Variants in SYCP2L observed in about 807,000 individuals in gnomAD.
SYCP2L encodes synaptonemal complex protein 2-like.
A neutral mutation model predicts 125.8 loss-of-function variants in SYCP2L; 98 were observed. The ratio of observed to expected loss-of-function variants is 0.78; its 90% confidence interval spans 0.66 to 0.92. The LOEUF (loss-of-function observed/expected upper bound fraction) is 0.92. Ranked by LOEUF, SYCP2L falls within the 40% of genes least tolerant of loss-of-function variation. The pLI is 0.00. For missense variants in SYCP2L, 842 were observed against 936.4 expected (o/e 0.90, Z 1.32); for synonymous variants, 317 against 325.4 (o/e 0.97, Z 0.28).
chr6:10,969,686 T>C (rs1160384372), intron 29 of SYCP2L, among the ~76,000 whole-genome samples: 3 of 151,946 alleles, frequency 2.0e-5, no homozygotes, highest in Non-Finnish European at 2.9e-5. Flanking sequence ...AAAGATGAAA[T>C]TGGACATGTG....
In SYCP2L at chr6:10,889,910, G is replaced by A. The variant is rs551345185; in HGVS notation, c.10-1603G>A. 3.3e-5 allele frequency among the ~76,000 whole-genome samples: 5 copies of A among 152,228 alleles called. No homozygotes were observed. In the East Asian group the frequency reaches 7.7e-4, roughly 23 times the overall value. On this transcript the variant is annotated intron_variant, in intron 1 of 29. Transcript: ENST00000283141. Reference sequence around the variant, plus strand: ...GCTGGGATTACAGGCATGAGCCACCGCACCCGGCCGAGATCAGCTTTTTTA... The same window carrying A: ...GCTGGGATTACAGGCATGAGCCACCACACCCGGCCGAGATCAGCTTTTTTA...
chr6:10,921,345 G>A (rs932830746), intron 14 of SYCP2L, among the ~76,000 whole-genome samples: 1 of 152,146 alleles, frequency 6.6e-6, no homozygotes, highest in Non-Finnish European at 1.5e-5. Flanking sequence ...GAACATAGGT[G>A]TGCATGTATT....
Position 10,935,244 on chromosome 6 carries a change from T to C in SYCP2L, c.1813+57T>C, listed in dbSNP as rs1469098893. The C allele has an allele frequency of 1.1e-5, 17 of 1,561,846 alleles. No individual in the cohort carries two copies. The South Asian group carries it at 1.8e-4, about 16-fold the overall frequency. ...AAAATTTGTATTTGGGAAAGGTAGT[T>C]TGAAGTAAACAAAACATTTTTATTT... On this transcript the variant is annotated intron_variant, in intron 21 of 29. Transcript: ENST00000283141.
chr6:10,967,091 A>G (rs2113428874), intron 29 of SYCP2L, among the ~76,000 whole-genome samples: 1 of 152,236 alleles, frequency 6.6e-6, no homozygotes, highest in African/African-American at 2.4e-5. Flanking sequence ...AACTTAGATG[A>G]AATGAACAAT....
chr6:10,956,278 A>G (rs768766395), intron 25 of SYCP2L, 36 bp downstream of exon 25: 2 of 1,452,524 alleles, frequency 1.4e-6, no homozygotes, highest in Non-Finnish European at 1.9e-6. Flanking sequence ...CTAGAGCGTT[A>G]TGAATCTGGA....
chr6:10,894,251 A>G (rs928236156), intron 4 of SYCP2L, 47 bp downstream of exon 4: 17 of 1,591,100 alleles, frequency 1.1e-5, no homozygotes, highest in Non-Finnish European at 1.4e-5. Flanking sequence ...AACTTAGAGA[A>G]CTTAGGTGGA....
chr6:10,897,963 T>C (rs1780287133), intron 4 of SYCP2L, 48 bp from the exon 5 acceptor site: 3 of 1,172,136 alleles, frequency 2.6e-6, no homozygotes, highest in South Asian at 1.2e-5. Flanking sequence ...TTTTATTGAA[T>C]AGGCAGCATT....
At chr6:10,968,770 T>C (rs1344105266) in intron 29 of SYCP2L, among the ~76,000 whole-genome samples, 1 of 152,152 alleles carries the variant, frequency 6.6e-6, no homozygotes. Context: ...TGGGGGATGA[T>C]GACTGTCTTT....
At chr6:10,969,128 A>G (rs980642419) in intron 29 of SYCP2L, among the ~76,000 whole-genome samples, 17 of 152,170 alleles carry the variant, frequency 1.1e-4, no homozygotes, top group Admixed American at 9.8e-4. Context: ...ATTTTCTTCA[A>G]TTTAGAGGTC....
At chr6:10,973,660 T>C (rs928475327) in intron 29 of SYCP2L, among the ~76,000 whole-genome samples, 1 of 152,208 alleles carries the variant, frequency 6.6e-6, no homozygotes, top group Non-Finnish European at 1.5e-5. Context: ...AGCTGTCTTA[T>C]CTCCAACATC....
chr6:10,963,994 G>A (rs1442549371), intron 29 of SYCP2L, among the ~76,000 whole-genome samples, 151 bp downstream of exon 29: 2 of 144,228 alleles, frequency 1.4e-5, no homozygotes, highest in Non-Finnish European at 3.0e-5. Context: ...GTCTCACTCT[G>A]TCACCCAGGC....
intron 29 of SYCP2L, among the ~76,000 whole-genome samples, chr6:10,970,003 A>T (rs1333917187): frequency 1.3e-5 from 2 of 152,194 alleles, no homozygotes; most frequent in African/African-American, 4.8e-5. Context: ...AATGATACCC[A>T]CAGGATCCCT....
rs1018180366 is a variant in SYCP2L at position 10,930,109 on chromosome 6, A to G, written c.1489-261A>G. ...TATTGAGATTGGTCTGCTTTTGAAC[A>G]GTCATCCACCATCTCTTCTGTTGCA... On this transcript the variant is annotated intron_variant, in intron 18 of 29. Coordinates refer to ENST00000283141, the MANE Select transcript of SYCP2L (RefSeq NM_001040274.3). The G allele has an allele frequency of 3.8e-4, 102 of 265,100 alleles. 1 individual carries two copies. Among genetic ancestry groups the G allele is most frequent in the Non-Finnish European group, 7.0e-5 (10 of 141,984 alleles). 16.4% of individuals were successfully genotyped at this position (265,100 alleles called of 1,614,324 possible).
intron 15 of SYCP2L, among the ~76,000 whole-genome samples, chr6:10,926,110 GA>G (rs2113348190): frequency 6.6e-6 from 1 of 152,304 alleles, no homozygotes; most frequent in Admixed American, 6.5e-5. Flanking sequence ...AAGATACCAG[GA>G]AAGAGTGCTT....
chr6:10,909,765 T>C (rs367951389), intron 10 of SYCP2L, among the ~76,000 whole-genome samples: 26 of 152,366 alleles, frequency 1.7e-4, no homozygotes, highest in African/African-American at 6.0e-4. Context: ...TGGTTAGTGC[T>C]GTGCAGGTGT....
intron 14 of SYCP2L, among the ~76,000 whole-genome samples, chr6:10,915,190 ATTC>A (rs1780671396): frequency 6.6e-6 from 1 of 152,242 alleles, no homozygotes. Context: ...ACTTTGCTGA[ATTC>A]TTTTATCAGT....
At chr6:10,906,228 T>C (rs1040709741) in intron 9 of SYCP2L, among the ~76,000 whole-genome samples, 174 bp downstream of exon 9, 3 of 152,116 alleles carry the variant, frequency 2.0e-5, no homozygotes, top group Non-Finnish European at 4.4e-5. Flanking sequence ...TAAAGAATAA[T>C]TCGTGAGTAC....
At chr6:10,920,531 A>G (rs1030725153) in intron 14 of SYCP2L, among the ~76,000 whole-genome samples, 5 of 152,190 alleles carry the variant, frequency 3.3e-5, no homozygotes, top group Non-Finnish European at 7.3e-5. Context: ...TAGAATTTCT[A>G]AGCAAACATA....
At chr6:10,958,957 C>T in intron 26 of SYCP2L, 82 bp downstream of exon 26, 1 of 1,238,860 alleles carries the variant, frequency 8.1e-7, no homozygotes, top group South Asian at 1.3e-5. Flanking sequence ...TGTGCTAGGG[C>T]CCTGAGGAGT....
Sources: allele counts gnomAD v4.1 joint callset (sites outside exome capture counted in the v4.1 genomes callset), GRCh38; gene constraint gnomAD v4.1.1; transcripts MANE v1.5; gene names NCBI Gene and HGNC (gene_info 2026-07-23, HGNC 2026-07-21).